Variants in PCDHA13 observed in about 807,000 individuals in gnomAD.
PCDHA13 encodes protocadherin alpha 13.
A neutral mutation model predicts 64.8 loss-of-function variants in PCDHA13; 54 were observed. The observed-to-expected ratio is 0.83, with a 90% CI of 0.67 to 1.04. The LOEUF (loss-of-function observed/expected upper bound fraction) is 1.04. Ranked by LOEUF, PCDHA13 falls within the 50% of genes least tolerant of loss-of-function variation. The pLI, the probability that PCDHA13 is intolerant of heterozygous loss-of-function variation, is 0.00. For missense variants in PCDHA13, 1,248 were observed against 1,254.3 expected (o/e 0.99, Z 0.08); for synonymous variants, 587 against 564.4 (o/e 1.04, Z -0.57).
chr5:140,923,313 C>T (rs1428494241), intron 1 of PCDHA13, among the ~76,000 whole-genome samples: 1 of 152,074 alleles, frequency 6.6e-6, no homozygotes, highest in African/African-American at 2.4e-5. Flanking sequence ...GGGCGCTTGG[C>T]CTAGAAGTTC....
At chr5:140,912,652 G>A (rs555103404) in intron 1 of PCDHA13, among the ~76,000 whole-genome samples, 2 of 152,132 alleles carry the variant, frequency 1.3e-5, no homozygotes, top group South Asian at 2.1e-4. Context: ...TTGAATAGAA[G>A]TGGTGAAAAT....
chr5:140,884,514 C>G lies in PCDHA13; in HGVS notation c.2246C>G (p.Ser749Trp). The change falls in exon 1 of 4, where the codon TCG (serine) becomes TGG (tryptophan). Residue 749 changes from serine (S) to tryptophan (W), a missense_variant. Coordinates refer to ENST00000289272, the MANE Select transcript of PCDHA13 (RefSeq NM_018904.3). ...TGCTCCAGCGCGGCAGGGAGTTGGT[C>G]GTACTCGCAGCAGAGGCGGCCGAGG... is the stretch of plus-strand genomic sequence containing the variant. ...LVCSSAAGSW[S>W]YSQQRRPRVC... 1.3e-5 allele frequency: 21 copies of G among 1,614,176 alleles called. No homozygotes were observed. Among genetic ancestry groups the G allele is most frequent in the South Asian group, 2.2e-5 (2 of 91,080 alleles).
intron 1 of PCDHA13, among the ~76,000 whole-genome samples, chr5:140,923,134 G>A (rs962370475): frequency 3.9e-5 from 6 of 152,106 alleles, no homozygotes; most frequent in African/African-American, 1.2e-4. Flanking sequence ...CACTTTGAAG[G>A]TGGAATATAA....
rs2153793513 is a variant in PCDHA13, at chr5:140,972,346, C to T, written c.2395-6603C>T. Among the ~76,000 whole-genome samples, 6 of 151,468 alleles carry T rather than the reference C, an allele frequency of 4.0e-5. No homozygotes were observed. In the Middle Eastern group the frequency reaches 0.014, roughly 346 times the overall value. The stretch of plus-strand genomic sequence containing the variant: ...TTTTTTTTGGAAGAGATGGGGGTCT[C>T]ACTATGTTGCACATGCTGTTAGTAT... On this transcript the variant is annotated intron_variant, in intron 1 of 3. Transcript: ENST00000289272.
In PCDHA13 at chr5:140,882,662, A is replaced by G. The variant is rs1554175058; in HGVS notation, c.394A>G (p.Ile132Val). Reference protein sequence around the residue: ...KVRDINDNPPIFPESKKRIII... With the variant: ...KVRDINDNPPVFPESKKRIII... ...GAGGGACATTAACGACAACCCGCCC[A>G]TATTCCCTGAAAGCAAGAAACGAAT... Residue 132 changes from isoleucine (I) to valine (V), a missense_variant, in exon 1 of 4, where the codon ATA becomes GTA. Ile to Val is a conservative substitution (Grantham distance 29). Coordinates refer to ENST00000289272, the MANE Select transcript of PCDHA13 (RefSeq NM_018904.3). 7 of 1,614,224 alleles carry G rather than the reference A, an allele frequency of 4.3e-6. No individual in the cohort carries two copies. Among genetic ancestry groups the G allele is most frequent in the Non-Finnish European group, 5.9e-6 (7 of 1,180,052 alleles).
At chr5:140,914,166 G>A (rs183790385) in intron 1 of PCDHA13, among the ~76,000 whole-genome samples, 2 of 152,250 alleles carry the variant, frequency 1.3e-5, no homozygotes, top group African/African-American at 2.4e-5. Context: ...TACGGAAAGT[G>A]GGGTGTTGAA....
chr5:140,993,408 A>G (rs985721464), intron 3 of PCDHA13, among the ~76,000 whole-genome samples: 1 of 150,930 alleles, frequency 6.6e-6, no homozygotes, highest in African/African-American at 2.4e-5. Flanking sequence ...AACCACCTTC[A>G]TCAGCATTTC....
intron 1 of PCDHA13, chr5:140,926,849 C>A: frequency 6.6e-7 from 1 of 1,517,430 alleles, no homozygotes. Flanking sequence ...CCTGGGTCAC[C>A]GTTGGTGTAG....
At chr5:140,927,409 A>T (rs1554204480) in intron 1 of PCDHA13, 4 of 1,614,120 alleles carry the variant, frequency 2.5e-6, no homozygotes, top group Non-Finnish European at 3.4e-6. Context: ...TCGCCTGGAC[A>T]TGGGATCGCG....
At chr5:140,956,949 A>G (rs1027198370) in intron 1 of PCDHA13, among the ~76,000 whole-genome samples, 5 of 140,514 alleles carry the variant, frequency 3.6e-5, no homozygotes, top group African/African-American at 1.3e-4. Flanking sequence ...TTTACATTAA[A>G]ACACTGTAAT....
chr5:140,931,047 C>G (rs969815598), intron 1 of PCDHA13, among the ~76,000 whole-genome samples: 5 of 152,166 alleles, frequency 3.3e-5, no homozygotes, highest in African/African-American at 9.6e-5. Context: ...AGAAAAACTT[C>G]AATGCTGTGT....
At chr5:140,939,960 T>G (rs1216904868) in intron 1 of PCDHA13, among the ~76,000 whole-genome samples, 2 of 152,258 alleles carry the variant, frequency 1.3e-5, no homozygotes, top group African/African-American at 2.4e-5. Context: ...TATGTTAAAG[T>G]GTTCCACGAT....
rs527638271 is a variant in PCDHA13, at chr5:140,882,967, G to A, written c.699G>A (p.Leu233=). 3.1e-4 allele frequency: 497 copies of A among 1,614,172 alleles called. 6 individuals are homozygous for A. In the South Asian group the frequency reaches 5.0e-3, roughly 16 times the overall value. Residue 233 remains leucine (L), a synonymous_variant, in exon 1 of 4, where the codon CTG becomes CTA. Transcript: ENST00000289272. Reference sequence around the variant, plus strand: ...CAGTTCAGCTGCTCATCACGATTCTGGACGTGAATGACAACGCCCCGGAAT... The same window carrying A: ...CAGTTCAGCTGCTCATCACGATTCTAGACGTGAATGACAACGCCCCGGAAT... ...TGTVQLLITI[L]DVNDNAPEFY...
chr5:140,896,192 C>G (rs369443676), intron 1 of PCDHA13, among the ~76,000 whole-genome samples: 1 of 152,162 alleles, frequency 6.6e-6, no homozygotes, highest in African/African-American at 2.4e-5. Context: ...TGAATAGTGC[C>G]ATGATGAACA....
rs567371259 is a variant in PCDHA13, at chr5:140,910,950, G to A, written c.2394+26288G>A. ...TAAGAAAGCTCAAGCAGTTCTTTTC[G>A]AGTGTAGCACACCTCCTCATGGGTT... On this transcript the variant is annotated intron_variant, in intron 1 of 3. Coordinates refer to ENST00000289272, the MANE Select transcript of PCDHA13 (RefSeq NM_018904.3). Among the ~76,000 whole-genome samples, 203 of 152,092 alleles carry A rather than the reference G, an allele frequency of 1.3e-3. 1 individual carries two copies. Among genetic ancestry groups the A allele is most frequent in the Non-Finnish European group, 2.4e-3 (165 of 68,000 alleles).
intron 1 of PCDHA13, among the ~76,000 whole-genome samples, chr5:140,912,449 A>G (rs2075925716): frequency 6.6e-6 from 1 of 151,398 alleles, no homozygotes; most frequent in South Asian, 2.1e-4. Flanking sequence ...GTGTGCATTG[A>G]TTTTGTATCC....
chr5:140,892,779 A>G (rs1490865049), intron 1 of PCDHA13, among the ~76,000 whole-genome samples: 1 of 152,192 alleles, frequency 6.6e-6, no homozygotes, highest in Non-Finnish European at 1.5e-5. Flanking sequence ...TAGCTTCTTG[A>G]AAATATGTAA....
At chr5:140,979,086 G>A in intron 2 of PCDHA13, 79 bp downstream of exon 2, 3 of 1,561,050 alleles carry the variant, frequency 1.9e-6, no homozygotes, top group South Asian at 2.4e-5. Flanking sequence ...CCATAGGCCA[G>A]AAGCAGCTGT....
chr5:140,892,468 C>T (rs1184778883), intron 1 of PCDHA13, among the ~76,000 whole-genome samples: 10 of 152,150 alleles, frequency 6.6e-5, no homozygotes, highest in Admixed American at 3.3e-4. Flanking sequence ...TACGGTTATT[C>T]AGTTTCCTAG....
Sources: allele counts gnomAD v4.1 joint callset (sites outside exome capture counted in the v4.1 genomes callset), GRCh38; gene constraint gnomAD v4.1.1; transcripts MANE v1.5; gene names NCBI Gene and HGNC (gene_info 2026-07-23, HGNC 2026-07-21).